The following ENPEP variants were observed in gnomAD, a reference collection of about 807,000 sequenced individuals.
ENPEP encodes glutamyl aminopeptidase, also known as AP-A.
Under a neutral mutation model 114.5 loss-of-function variants are expected in ENPEP, and 103 were observed. The ratio of observed to expected loss-of-function variants is 0.90; its 90% CI spans 0.77 to 1.06. ENPEP has a LOEUF of 1.06. ENPEP is among the 50% of genes least tolerant of loss of function. The pLI, the probability that ENPEP is intolerant of heterozygous loss-of-function variation, is 0.00. For synonymous variants in ENPEP, 420 were observed against 422.0 expected (o/e 1.00, Z 0.06); for missense variants, 1,196 against 1,161.3 (o/e 1.03, Z -0.43).
intron 14 of ENPEP, among the ~76,000 whole-genome samples, chr4:110,548,916 A>G (rs1182528224): frequency 6.6e-6 from 1 of 152,118 alleles, no homozygotes. Flanking sequence ...TTTGTACATT[A>G]GGAATGCCAG....
chr4:110,539,038 T>C (rs1325537745), intron 11 of ENPEP, among the ~76,000 whole-genome samples: 2 of 152,122 alleles, frequency 1.3e-5, no homozygotes, highest in East Asian at 1.9e-4. Flanking sequence ...AAATCTCTGA[T>C]CACAGATCAC....
At chr4:110,548,139 GTTTTTTTTTTTTT>G (rs3042468) in intron 13 of ENPEP, 24 bp from the exon 14 acceptor site, 8 of 692,108 alleles carry the variant, frequency 1.2e-5, no homozygotes, top group Middle Eastern at 3.5e-4. Flanking sequence ...TTAACTGTGA[GTTTTTTTTTTTTT>G]TTTTTTTTTT....
At chr4:110,548,151 T>TG in intron 13 of ENPEP, 25 bp from the exon 14 acceptor site, 3 of 1,176,190 alleles carry the variant, frequency 2.6e-6, no homozygotes, top group Non-Finnish European at 3.2e-6. Flanking sequence ...TTTTTTTTTT[T>TG]TTTTTTTTTT....
In ENPEP at chr4:110,563,004, A is replaced by G. The variant is rs1727726630; in HGVS notation, c.*1446A>G. On this transcript the variant is annotated 3_prime_UTR_variant, in exon 20 of 20. Coordinates refer to ENST00000265162, the MANE Select transcript of ENPEP (RefSeq NM_001977.4). ...TATCACTTCTCAATCCGTACAGCCA[A>G]ACTAGTAAATTCAAATGTAGACTGG... The G allele has an allele frequency of 6.6e-6, 1 of 152,158 alleles. No homozygotes were observed. The highest frequency in any genetic ancestry group is 1.5e-5 in the Non-Finnish European group (1 of 68,008). 9.4% of individuals were successfully genotyped at this position (152,158 alleles called of 1,614,324 possible).
intron 10 of ENPEP, among the ~76,000 whole-genome samples, chr4:110,521,243 G>T (rs1349830082): frequency 1.3e-5 from 2 of 152,094 alleles, no homozygotes; most frequent in Non-Finnish European, 1.5e-5. Context: ...GGTAGTTCAT[G>T]CTTGTAGTCC....
intron 13 of ENPEP, among the ~76,000 whole-genome samples, chr4:110,547,811 T>C (rs1727123786): frequency 6.6e-6 from 1 of 152,020 alleles, no homozygotes; most frequent in Non-Finnish European, 1.5e-5. Flanking sequence ...AGTAGTGCCT[T>C]TATGTGTTAA....
chr4:110,539,495 T>C (rs755022087), intron 11 of ENPEP, among the ~76,000 whole-genome samples: 9 of 152,218 alleles, frequency 5.9e-5, no homozygotes, highest in Non-Finnish European at 1.3e-4. Context: ...CTTTTAGCTC[T>C]TCAAATATAT....
chr4:110,511,577 T>C (rs924265513), intron 6 of ENPEP, among the ~76,000 whole-genome samples: 2 of 152,232 alleles, frequency 1.3e-5, no homozygotes, highest in African/African-American at 2.4e-5. Flanking sequence ...TACAGTATAC[T>C]GAGGCCCTTA....
In ENPEP at chr4:110,509,757, T is replaced by C; in HGVS notation, c.1144T>C (p.Ser382Pro). 2 of 1,614,184 alleles carry C rather than the reference T, an allele frequency of 1.2e-6. No individual in the cohort carries two copies. Among genetic ancestry groups the C allele is most frequent in the Non-Finnish European group, 8.5e-7 (1 of 1,180,016 alleles). The change falls in exon 5 of 20, where the codon TCA (serine) becomes CCA (proline). Residue 382 changes from serine to proline, a missense_variant. Transcript: ENST00000265162. The part of the protein sequence containing the change: ...LLYDPKESAS[S>P]NQQRVATVVA... ...TTATGACCCTAAGGAATCAGCCTCA[T>C]CAAACCAACAGAGGGTGGCCACTGT...
At chr4:110,515,957 C>T (rs1417883531) in intron 8 of ENPEP, 3 of 321,112 alleles carry the variant, frequency 9.3e-6, no homozygotes, top group South Asian at 7.8e-5. Flanking sequence ...CCATAAGAGT[C>T]CCAGCCTCAC....
At chr4:110,533,560 A>G (rs74760728) in intron 11 of ENPEP, 3,091 of 152,358 alleles carry the variant, frequency 0.02, 55 homozygotes, top group South Asian at 0.046. Context: ...GCATCAGCCC[A>G]GGTTTGGGGG....
chr4:110,542,427 C>A (rs1276541302), intron 11 of ENPEP, among the ~76,000 whole-genome samples: 1 of 152,072 alleles, frequency 6.6e-6, no homozygotes, highest in African/African-American at 2.4e-5. Flanking sequence ...TGTCTCGAGG[C>A]ACTGTTTTCT....
intron 8 of ENPEP, chr4:110,519,401 A>G (rs1200329295): frequency 5.8e-6 from 1 of 172,022 alleles, no homozygotes; most frequent in Non-Finnish European, 1.3e-5. Context: ...GGAACTTAGG[A>G]AAGTTTACTG....
At chr4:110,494,303 T>A (rs1286387163) in intron 3 of ENPEP, among the ~76,000 whole-genome samples, 1 of 152,220 alleles carries the variant, frequency 6.6e-6, no homozygotes. Flanking sequence ...TTAGGATTAG[T>A]GGGGTGCATC....
chr4:110,505,472 T>C (rs1006593382), intron 3 of ENPEP, among the ~76,000 whole-genome samples: 4 of 152,218 alleles, frequency 2.6e-5, no homozygotes, highest in African/African-American at 4.8e-5. Flanking sequence ...TAAGGGATGC[T>C]CTTTCAGAAT....
chr4:110,525,609 A>T (rs1726166327), intron 10 of ENPEP, among the ~76,000 whole-genome samples: 1 of 152,218 alleles, frequency 6.6e-6, no homozygotes. Context: ...TTATTGTAAG[A>T]TCAATTATCT....
rs144518051 is a variant in ENPEP, at chr4:110,536,280, C to G, written c.1807+5003C>G. ...TTTGGTGCAATAAAAGTTTCTTGTT[C>G]ATGCAACAGTCTAAAGGAGATATTC... On this transcript the variant is annotated intron_variant, in intron 11 of 19. Coordinates refer to ENST00000265162, the MANE Select transcript of ENPEP (RefSeq NM_001977.4). 1.2e-4 allele frequency among the ~76,000 whole-genome samples: 18 copies of G among 152,278 alleles called. 1 individual carries two copies. In the East Asian group the frequency reaches 3.3e-3, roughly 28 times the overall value.
chr4:110,562,751 G>A lies in ENPEP; in HGVS notation c.*1193G>A, dbSNP rs1727720122. ...ACTTGATACCTCCTAGATCCATAATGTAAGTCCAATAGGCAGAAAAGATGG... is the reference window on the plus strand; with the variant it reads ...ACTTGATACCTCCTAGATCCATAATATAAGTCCAATAGGCAGAAAAGATGG... On this transcript the variant is annotated 3_prime_UTR_variant, in exon 20 of 20. Coordinates refer to ENST00000265162, the MANE Select transcript of ENPEP (RefSeq NM_001977.4). 6.6e-6 allele frequency: 1 copy of A among 152,090 alleles called. No homozygotes were observed. Among genetic ancestry groups the A allele is most frequent in the South Asian group, 2.1e-4 (1 of 4,818 alleles). 9.4% of individuals were successfully genotyped at this position (152,090 alleles called of 1,614,324 possible). A position where few individuals can be genotyped will look rare whatever the true frequency, so the allele number is the denominator to read the frequency against.
intron 13 of ENPEP, among the ~76,000 whole-genome samples, chr4:110,543,677 C>T (rs867483765): frequency 2.3e-4 from 35 of 151,752 alleles, no homozygotes; most frequent in Middle Eastern, 3.4e-3. Flanking sequence ...AGTCTAACAC[C>T]AGTAATTTAA....
Sources: gnomAD v4.1 joint callset for allele counts (sites outside exome capture counted in the v4.1 genomes callset) on GRCh38, gnomAD v4.1.1 for gene constraint, MANE v1.5 for transcripts, NCBI Gene and HGNC (gene_info 2026-07-23, HGNC 2026-07-21) for gene names.